PCDHGA7: variants seen among roughly 807,000 people sequenced by gnomAD.
PCDHGA7 encodes the protein protocadherin gamma-A7.
PCDHGA7 carries 44 observed loss-of-function variants against 58.3 expected under a neutral mutation model. The ratio of observed to expected loss-of-function variants is 0.75; its 90% confidence interval spans 0.59 to 0.97. The LOEUF (loss-of-function observed/expected upper bound fraction) is 0.97. Among genes scored for constraint, PCDHGA7 ranks in the 50% least tolerant of loss-of-function variants. The pLI is 0.00. For missense variants in PCDHGA7, 1,266 were observed against 1,188.7 expected, an observed-to-expected ratio of 1.06 and a Z score of -0.96; for synonymous variants, 516 against 504.2, an observed-to-expected ratio of 1.02 and a Z score of -0.31.
intron 1 of PCDHGA7, among the ~76,000 whole-genome samples, chr5:141,434,409 T>G (rs2097692930): frequency 6.6e-6 from 1 of 152,232 alleles, no homozygotes; most frequent in South Asian, 2.1e-4. Context: ...TCTGCAGCAC[T>G]GTGACATGTT....
chr5:141,496,943 T>C (rs1023861484), intron 2 of PCDHGA7, among the ~76,000 whole-genome samples: 2 of 151,258 alleles, frequency 1.3e-5, no homozygotes, highest in African/African-American at 2.4e-5. Flanking sequence ...CCCAGCACTT[T>C]GGGAGGCCAA....
In PCDHGA7 at chr5:141,477,670, A is replaced by G; in HGVS notation, c.2425-17137A>G. 1 of 1,614,198 alleles carries G rather than the reference A, an allele frequency of 6.2e-7. No individual in the cohort carries two copies. The highest frequency in any genetic ancestry group is 1.7e-5 in the Admixed American group (1 of 60,028). ...TCACAATAAATCGTGACAATGGCAT[A>G]GTGTCATCCTTAGTGCCCCTAGACT... On this transcript the variant is annotated intron_variant, in intron 1 of 3. Coordinates refer to ENST00000518325, the MANE Select transcript of PCDHGA7 (RefSeq NM_018920.4). This position sits in a 1 kb window ranked among gnomAD's most constrained non-coding sequence, Gnocchi z 4.9.
Position 141,385,109 on chromosome 5 carries a change from C to A in PCDHGA7, c.2210C>A (p.Thr737Asn). The change falls in exon 1 of 4, where the codon ACC becomes AAC. Residue 737 changes from threonine to asparagine, a missense_variant. Coordinates refer to ENST00000518325, the MANE Select transcript of PCDHGA7 (RefSeq NM_018920.4). Reference sequence around the variant, plus strand: ...GAAGGTGGCTTGGCGAACGTGCCCACCTCGCACTTTGTGGGCATGGACGGG... The same window carrying A: ...GAAGGTGGCTTGGCGAACGTGCCCAACTCGCACTTTGTGGGCATGGACGGG... ...ASEGGLANVP[T>N]SHFVGMDGVQ... is the part of the protein sequence containing the mutation. 1 of 1,614,174 alleles carries A rather than the reference C, an allele frequency of 6.2e-7. No individual in the cohort carries two copies. The highest frequency in any genetic ancestry group is 1.1e-5 in the South Asian group (1 of 91,088).
chr5:141,477,582 A>G lies in PCDHGA7; in HGVS notation c.2425-17225A>G. On this transcript the variant is annotated intron_variant, in intron 1 of 3. Transcript: ENST00000518325. This position sits in a 1 kb window ranked among gnomAD's most constrained non-coding sequence, Gnocchi z 4.9. Reference sequence around the variant, plus strand: ...GTCTGGGACCCCGACGCCCCGCAGAATGCTCGGCTTTCTTTCTTTCTCTTG... The same window carrying G: ...GTCTGGGACCCCGACGCCCCGCAGAGTGCTCGGCTTTCTTTCTTTCTCTTG... The G allele has an allele frequency of 6.2e-7, 1 of 1,614,190 alleles. No homozygotes were observed.
chr5:141,397,609 G>A (rs2093544805), intron 1 of PCDHGA7, among the ~76,000 whole-genome samples: 1 of 152,186 alleles, frequency 6.6e-6, no homozygotes. Flanking sequence ...AGTGACAAGG[G>A]CAATACTTAG....
At position 141,511,140 on chromosome 5, in the gene PCDHGA7, C is replaced by G. The variant is rs1405623579; in HGVS notation, c.2766C>G (p.Asn922Lys). Residue 922 changes from asparagine (N) to lysine (K), a missense_variant, in exon 4 of 4, where the codon AAC becomes AAG. Physicochemically the swap from Asn to Lys is moderately conservative, Grantham distance 94. Transcript: ENST00000518325. ...AGGCCCCAGCAGGTGGCAATGGCAACAAGAAGAAGTCGGGCAAGAAGGAGA... is the reference window on the plus strand; with the variant it reads ...AGGCCCCAGCAGGTGGCAATGGCAAGAAGAAGAAGTCGGGCAAGAAGGAGA... Reference protein sequence around the residue: ...DGKAPAGGNGNKKKSGKKEKK With the variant: ...DGKAPAGGNGKKKKSGKKEKK 2.5e-6 allele frequency: 4 copies of G among 1,614,068 alleles called. No homozygotes were observed. Among genetic ancestry groups the G allele is most frequent in the Admixed American group, 1.7e-5 (1 of 60,008 alleles).
At position 141,427,172 on chromosome 5, in the gene PCDHGA7, TG is replaced by T. The variant is rs757372749; in HGVS notation, c.2424+41853del. ...ATATGTTTGTGCTAGACCATCAAAA[TG>T]GGGAAATTAAATCCAAAGACTTAAT... On this transcript the variant is annotated intron_variant, in intron 1 of 3. Coordinates refer to ENST00000518325, the MANE Select transcript of PCDHGA7 (RefSeq NM_018920.4). The T allele has an allele frequency of 3.9e-5, 18 of 456,596 alleles. 1 individual carries two copies. The highest frequency in any genetic ancestry group is 2.6e-4 in the South Asian group (17 of 64,568). 28.3% of individuals were successfully genotyped at this position (456,596 alleles called of 1,614,324 possible). A position where few individuals can be genotyped will look rare whatever the true frequency, so the allele number is the denominator to read the frequency against.
chr5:141,430,521 A>G, intron 1 of PCDHGA7: 1 of 350,390 alleles, frequency 2.9e-6, no homozygotes, highest in Non-Finnish European at 5.1e-6. Context: ...TTGTGCAGTA[A>G]TTGGTTAGGA....
At chr5:141,497,771 C>T (rs2099779314) in intron 2 of PCDHGA7, among the ~76,000 whole-genome samples, 1 of 152,154 alleles carries the variant, frequency 6.6e-6, no homozygotes, top group Non-Finnish European at 1.5e-5. Context: ...ACTCCCCGAC[C>T]TCAACTGATC....
At position 141,486,045 on chromosome 5, in the gene PCDHGA7, A is replaced by G. The variant is rs2099623524; in HGVS notation, c.2425-8762A>G. The G allele has an allele frequency of 4.3e-6, 7 of 1,613,428 alleles. No individual in the cohort carries two copies. The highest frequency in any genetic ancestry group is 5.1e-6 in the Non-Finnish European group (6 of 1,179,858). ...GGTCATACCCCTGATCGTGTAAGAA[A>G]CCTCTTTAGCCTGCACCCCACTACT... On this transcript the variant is annotated intron_variant, in intron 1 of 3. Coordinates refer to ENST00000518325, the MANE Select transcript of PCDHGA7 (RefSeq NM_018920.4). This position sits in a 1 kb window ranked among gnomAD's most constrained non-coding sequence, Gnocchi z 5.0.
At position 141,477,222 on chromosome 5, in the gene PCDHGA7, C is replaced by T; in HGVS notation, c.2425-17585C>T. Reference sequence around the variant, plus strand: ...GTACCCGAGGATGCCCCTCTGGGGACTGTCATCGCTTTGCTCAGTGTGACT... The same window carrying T: ...GTACCCGAGGATGCCCCTCTGGGGATTGTCATCGCTTTGCTCAGTGTGACT... On this transcript the variant is annotated intron_variant, in intron 1 of 3. Transcript: ENST00000518325. This position sits in a 1 kb window ranked among gnomAD's most constrained non-coding sequence, Gnocchi z 4.9. 2 of 1,614,218 alleles carry T rather than the reference C, an allele frequency of 1.2e-6. No homozygotes were observed. Among genetic ancestry groups the T allele is most frequent in the South Asian group, 1.1e-5 (1 of 91,086 alleles).
chr5:141,482,763 T>TGC (rs2099571981), intron 1 of PCDHGA7, among the ~76,000 whole-genome samples: 1 of 127,550 alleles, frequency 7.8e-6, no homozygotes, highest in African/African-American at 3.6e-5. Flanking sequence ...GGTATTTCAT[T>TGC]ATCACTGAAC....
chr5:141,445,025 C>T (rs2154560886), intron 1 of PCDHGA7, among the ~76,000 whole-genome samples: 2 of 152,200 alleles, frequency 1.3e-5, no homozygotes, highest in Middle Eastern at 6.8e-3. Flanking sequence ...TTTCTCTCAG[C>T]TATGTTGTAT....
chr5:141,418,589 C>T (rs184213052), intron 1 of PCDHGA7: 13 of 1,613,896 alleles, frequency 8.1e-6, no homozygotes, highest in African/African-American at 6.7e-5. Flanking sequence ...AGTGTTCAGC[C>T]AGGACGTGTA....
intron 1 of PCDHGA7, among the ~76,000 whole-genome samples, chr5:141,467,008 A>AT (rs1165146249): frequency 6.7e-6 from 1 of 150,270 alleles, no homozygotes; most frequent in Non-Finnish European, 1.5e-5. Context: ...TTGCAATGCA[A>AT]TTTTTTTCCC....
intron 1 of PCDHGA7, chr5:141,492,006 G>T (rs2099736069): frequency 7.8e-6 from 5 of 643,420 alleles, no homozygotes; most frequent in Non-Finnish European, 1.3e-5. Context: ...GGCGATTTCC[G>T]CGGGTGTCGG....
Position 141,485,730 on chromosome 5 carries a change from G to A in PCDHGA7, c.2425-9077G>A. On this transcript the variant is annotated intron_variant, in intron 1 of 3. Coordinates refer to ENST00000518325, the MANE Select transcript of PCDHGA7 (RefSeq NM_018920.4). This position sits in a 1 kb window ranked among gnomAD's most constrained non-coding sequence, Gnocchi z 5.7. ...TTTGCACTGGATGTGAAGAAGCGCA[G>A]CGACGGCAGCCTGGTCCCAGAGCTG... is the stretch of plus-strand genomic sequence containing the variant. 1 of 1,614,200 alleles carries A rather than the reference G, an allele frequency of 6.2e-7. No individual in the cohort carries two copies. Among genetic ancestry groups the A allele is most frequent in the Non-Finnish European group, 8.5e-7 (1 of 1,180,024 alleles).
At chr5:141,456,259 C>T (rs1456888951) in intron 1 of PCDHGA7, among the ~76,000 whole-genome samples, 1 of 152,122 alleles carries the variant, frequency 6.6e-6, no homozygotes, top group Non-Finnish European at 1.5e-5. Flanking sequence ...GCGACCATTG[C>T]TTCTGGCTAC....
Position 141,431,756 on chromosome 5 carries a change from G to T in PCDHGA7, c.2424+46433G>T. The T allele has an allele frequency of 6.2e-7, 1 of 1,614,236 alleles. No individual in the cohort carries two copies. Among genetic ancestry groups the T allele is most frequent in the South Asian group, 1.1e-5 (1 of 91,088 alleles). On this transcript the variant is annotated intron_variant, in intron 1 of 3. Transcript: ENST00000518325. This position sits in a 1 kb window ranked among gnomAD's most constrained non-coding sequence, Gnocchi z 4.8. Reference sequence around the variant, plus strand: ...TGCAGGATATTCTGCGCGAGCCAAAGTCCTGATCACTGTTCTGGACGTGAA... The same window carrying T: ...TGCAGGATATTCTGCGCGAGCCAAATTCCTGATCACTGTTCTGGACGTGAA...
Sources: gnomAD v4.1 joint callset for allele counts (sites outside exome capture counted in the v4.1 genomes callset) on GRCh38, gnomAD v4.1.1 for gene constraint, Gnocchi (gnomAD v3.1) non-coding constraint, MANE v1.5 for transcripts, NCBI Gene and HGNC (gene_info 2026-07-23, HGNC 2026-07-21) for gene names.